The following PCDHGB3 variants were observed in gnomAD, a reference collection of about 807,000 sequenced individuals.
The protein encoded by PCDHGB3 is protocadherin gamma-B3.
Under a neutral mutation model 59.2 loss-of-function variants are expected in PCDHGB3, and 40 were observed. That is an observed-to-expected ratio of 0.68 (90% CI 0.52 to 0.88). The LOEUF (loss-of-function observed/expected upper bound fraction) is 0.88, where lower values mean the gene tolerates loss of function less well. PCDHGB3 is among the 40% of genes least tolerant of loss of function. The pLI is 0.00. For missense variants in PCDHGB3, 1,309 were observed against 1,187.9 expected, an observed-to-expected ratio of 1.10 and a Z score of -1.50; for synonymous variants, 581 against 503.6, an observed-to-expected ratio of 1.15 and a Z score of -2.06.
chr5:141,409,736 G>C (rs1053484390), intron 1 of PCDHGB3: 9 of 1,612,992 alleles, frequency 5.6e-6, no homozygotes, highest in South Asian at 2.2e-5. Context: ...CGCGCAGAGC[G>C]GGGTGGTGTT....
At chr5:141,478,396 G>GT in intron 1 of PCDHGB3, 1 of 1,613,564 alleles carries the variant, frequency 6.2e-7, no homozygotes, top group Non-Finnish European at 8.5e-7. Flanking sequence ...ACCATCAGGT[G>GT]TATCTCACCA....
rs781651287 is a variant in PCDHGB3, at chr5:141,505,380, A to G, written c.2475-13A>G. ...CCTGGGAGTCTGTGCTCACCATCCT[A>G]CTCTCTCCCCAGCTCCCAAAATGGC... On this transcript the variant is annotated splice_polypyrimidine_tract_variant and intron_variant, in intron 2 of 3. Transcript: ENST00000576222. The G allele has an allele frequency of 4.3e-6, 7 of 1,613,362 alleles. No homozygotes were observed. The African/African-American group carries it at 5.4e-5, about 12-fold the overall frequency.
intron 1 of PCDHGB3, chr5:141,391,730 G>T (rs1334378138): frequency 1.3e-5 from 2 of 152,140 alleles, no homozygotes; most frequent in African/African-American, 4.8e-5. Flanking sequence ...AGACTTTTTT[G>T]TAGTCATACT....
chr5:141,393,400 T>A (rs1427213486), intron 1 of PCDHGB3: 5 of 1,614,024 alleles, frequency 3.1e-6, no homozygotes, highest in Non-Finnish European at 4.2e-6. Context: ...GAGCTGGTGC[T>A]GGAGCGCGCC....
intron 2 of PCDHGB3, among the ~76,000 whole-genome samples, chr5:141,496,888 TAA>T (rs35063790): frequency 6.7e-5 from 9 of 134,018 alleles, no homozygotes; most frequent in Non-Finnish European, 4.9e-5. Flanking sequence ...AAGTAACACT[TAA>T]AAAAAAAAAA....
At position 141,371,210 on chromosome 5, in the gene PCDHGB3, C is replaced by T; in HGVS notation, c.816C>T (p.Gly272=). Residue 272 remains glycine (G), a synonymous_variant, in exon 1 of 4, where the codon GGC becomes GGT. Transcript: ENST00000576222. ...TGATGGCCATTGACATGGATGAGGG[C>T]ATCAATGCCGAAATCATCTATGCCT... ...LKVMAIDMDE[G]INAEIIYAFI... The T allele has an allele frequency of 6.2e-7, 1 of 1,614,010 alleles. No individual in the cohort carries two copies. Among genetic ancestry groups the T allele is most frequent in the Non-Finnish European group, 8.5e-7 (1 of 1,179,880 alleles).
rs2099609528 is a variant in PCDHGB3 at position 141,485,211 on chromosome 5, G to A, written c.2416-9596G>A. 6.2e-7 allele frequency: 1 copy of A among 1,614,126 alleles called. No individual in the cohort carries two copies. The highest frequency in any genetic ancestry group is 8.5e-7 in the Non-Finnish European group (1 of 1,179,980). Reference sequence around the variant, plus strand: ...GTGAGAAGCTGGACAGAAATCTGGCGGTGGGCTACCCTTTTGTTCCTCTTT... The same window carrying A: ...GTGAGAAGCTGGACAGAAATCTGGCAGTGGGCTACCCTTTTGTTCCTCTTT... On this transcript the variant is annotated intron_variant, in intron 1 of 3. Transcript: ENST00000576222. This position sits in a 1 kb window ranked among gnomAD's most constrained non-coding sequence, Gnocchi z 5.7.
chr5:141,432,104 C>T lies in PCDHGB3; in HGVS notation c.2415+59295C>T. The stretch of plus-strand genomic sequence containing the variant: ...GAACGTGGCAGACACCAACGACAAC[C>T]CGCCGGTCTTCCCTCAGGCCTCCTA... On this transcript the variant is annotated intron_variant, in intron 1 of 3. Coordinates refer to ENST00000576222, the MANE Select transcript of PCDHGB3 (RefSeq NM_018924.5). This position sits in a 1 kb window ranked among gnomAD's most constrained non-coding sequence, Gnocchi z 6.0. 1 of 1,614,204 alleles carries T rather than the reference C, an allele frequency of 6.2e-7. No individual in the cohort carries two copies. The highest frequency in any genetic ancestry group is 1.7e-5 in the Admixed American group (1 of 60,026).
intron 1 of PCDHGB3, among the ~76,000 whole-genome samples, chr5:141,479,998 G>A (rs2099511091): frequency 6.6e-6 from 1 of 152,272 alleles, no homozygotes; most frequent in South Asian, 2.1e-4. Flanking sequence ...AGGAGTCTGT[G>A]GCCAAGTTAC....
At position 141,372,325 on chromosome 5, in the gene PCDHGB3, T is replaced by A. The variant is rs1459758319; in HGVS notation, c.1931T>A (p.Val644Asp). 1 of 1,613,556 alleles carries A rather than the reference T, an allele frequency of 6.2e-7. No homozygotes were observed. The change falls in exon 1 of 4, where the codon GTC (valine) becomes GAC (aspartate). Residue 644 changes from valine (V) to aspartate (D), a missense_variant. By Grantham distance (152) the Val-to-Asp change is radical. Transcript: ENST00000576222. ...DREAARQRLL[V>D]TVRDGGQQPL... ...GAGGCCGCCCGCCAGCGCCTGCTGG[T>A]CACTGTGCGTGATGGAGGACAGCAG... is the stretch of plus-strand genomic sequence containing the variant.
chr5:141,431,907 T>A lies in PCDHGB3; in HGVS notation c.2415+59098T>A, dbSNP rs2097427946. 2 of 1,613,964 alleles carry A rather than the reference T, an allele frequency of 1.2e-6. No homozygotes were observed. Among genetic ancestry groups the A allele is most frequent in the South Asian group, 2.2e-5 (2 of 91,086 alleles). Reference sequence around the variant, plus strand: ...GATTCTGAGGAAAACGGACAGGTGATCTGTTTCATCCAAGGAAATCTGCCC... The same window carrying A: ...GATTCTGAGGAAAACGGACAGGTGAACTGTTTCATCCAAGGAAATCTGCCC... On this transcript the variant is annotated intron_variant, in intron 1 of 3. Transcript: ENST00000576222. This position sits in a 1 kb window ranked among gnomAD's most constrained non-coding sequence, Gnocchi z 4.8.
intron 1 of PCDHGB3, chr5:141,414,147 A>G: frequency 6.3e-7 from 1 of 1,599,090 alleles, no homozygotes; most frequent in Non-Finnish European, 8.5e-7. Flanking sequence ...TAGAAATACA[A>G]GCAGAAGATG....
At chr5:141,444,813 T>A (rs1382814369) in intron 1 of PCDHGB3, among the ~76,000 whole-genome samples, 3 of 152,228 alleles carry the variant, frequency 2.0e-5, no homozygotes, top group African/African-American at 4.8e-5. Flanking sequence ...AATAGCACAC[T>A]GTCTCAATTA....
chr5:141,385,576 A>G, intron 1 of PCDHGB3: 1 of 1,288,582 alleles, frequency 7.8e-7, no homozygotes, highest in Non-Finnish European at 9.8e-7. Context: ...CTACTTTCCA[A>G]TCTATGTTCC....
At chr5:141,375,066 G>A (rs1463444937) in intron 1 of PCDHGB3, 7 of 1,613,872 alleles carry the variant, frequency 4.3e-6, no homozygotes, top group Admixed American at 1.7e-5. Flanking sequence ...CCAGGTCTTC[G>A]AGACAGAGCG....
intron 1 of PCDHGB3, among the ~76,000 whole-genome samples, chr5:141,433,653 T>C (rs1030084681): frequency 6.6e-6 from 1 of 152,024 alleles, no homozygotes; most frequent in Non-Finnish European, 1.5e-5. Flanking sequence ...CTGACCAACA[T>C]GGAGAAACCC....
At chr5:141,433,765 A>G (rs1389737053) in intron 1 of PCDHGB3, among the ~76,000 whole-genome samples, 1 of 148,692 alleles carries the variant, frequency 6.7e-6, no homozygotes, top group Non-Finnish European at 1.5e-5. Flanking sequence ...TTAACCTGGG[A>G]GGTGGAGGTT....
At chr5:141,454,567 C>T (rs572130062) in intron 1 of PCDHGB3, among the ~76,000 whole-genome samples, 10 of 150,966 alleles carry the variant, frequency 6.6e-5, no homozygotes, top group South Asian at 2.1e-4. Context: ...CCACCACGCC[C>T]GGCTAATTTT....
At chr5:141,422,724 G>A (rs560544401) in intron 1 of PCDHGB3, 9 of 1,606,016 alleles carry the variant, frequency 5.6e-6, no homozygotes, top group East Asian at 2.2e-5. Flanking sequence ...CTGTCCAGGG[G>A]GTGCCTCTGT....
Sources: gnomAD v4.1 joint callset for allele counts (sites outside exome capture counted in the v4.1 genomes callset) on GRCh38, gnomAD v4.1.1 for gene constraint, Gnocchi (gnomAD v3.1) non-coding constraint, MANE v1.5 for transcripts, NCBI Gene and HGNC (gene_info 2026-07-23, HGNC 2026-07-21) for gene names.